The following TUT4 variants were observed in gnomAD, a reference collection of about 807,000 sequenced individuals.
TUT4 encodes the protein terminal uridylyl transferase 4.
In TUT4, 36 loss-of-function variants were observed where a neutral mutation model predicts 192.2. The ratio of observed to expected loss-of-function variants is 0.19; its 90% CI spans 0.14 to 0.25. The LOEUF (loss-of-function observed/expected upper bound fraction) is 0.25. Among genes scored for constraint, TUT4 ranks in the 10% least tolerant of loss-of-function variants. The pLI, the probability that TUT4 is intolerant of heterozygous loss-of-function variation, is 1.00. For missense variants in TUT4, 1,493 were observed against 1,957.2 expected (o/e 0.76, Z 4.47); for synonymous variants, 618 against 666.0 (o/e 0.93, Z 1.11).
chr1:52,461,451 G>A lies in TUT4; in HGVS notation c.3231+62C>T, dbSNP rs1235612459. The stretch of plus-strand genomic sequence containing the variant: ...CACATTTGAAAGTTTTAAACATAGA[G>A]TCAGTAATCTGTAAACTTTTAAAAT... On this transcript the variant is annotated intron_variant, in intron 18 of 29. Coordinates refer to ENST00000257177, the MANE Select transcript of TUT4 (RefSeq NM_001009881.3). 30 of 1,464,574 alleles carry A rather than the reference G, an allele frequency of 2.0e-5. No homozygotes were observed. The South Asian group carries it at 3.5e-4, about 17-fold the overall frequency. The allele number at this position is 1,464,574 out of a possible 1,614,324, so 90.7% of individuals were successfully genotyped here.
In TUT4 at chr1:52,475,185, C is replaced by A; in HGVS notation, c.2374G>T (p.Asp792Tyr). The change falls in exon 13 of 30, where the codon GAC becomes TAC. Residue 792 changes from aspartate to tyrosine, a missense_variant. Physicochemically the swap from Asp to Tyr is radical, Grantham distance 160 (BLOSUM62 -3). Transcript: ENST00000257177. ...AGAGATGAAGAGTCCTGTCCGTGGT[C>A]AGCAAAATCTAGTTCATTTACCAAC... is the stretch of plus-strand genomic sequence containing the variant. Reference protein sequence around the residue: ...NLLVNELDFADHGQDSSSLST... With the variant: ...NLLVNELDFAYHGQDSSSLST... 6.2e-7 allele frequency: 1 copy of A among 1,614,092 alleles called. No homozygotes were observed. The highest frequency in any genetic ancestry group is 1.1e-5 in the South Asian group (1 of 91,052).
chr1:52,462,164 T>C (rs573768625), intron 16 of TUT4: 208 of 151,326 alleles, frequency 1.4e-3, no homozygotes, highest in Middle Eastern at 6.8e-3. Flanking sequence ...GAGACAAACC[T>C]GGATTCAAAT....
intron 4 of TUT4, among the ~76,000 whole-genome samples, chr1:52,508,669 A>G (rs1676292118): frequency 6.6e-6 from 1 of 152,200 alleles, no homozygotes; most frequent in Non-Finnish European, 1.5e-5. Flanking sequence ...GGGGGCACAG[A>G]GAAGGAGTAT....
In TUT4 at chr1:52,435,286, C is replaced by A. The variant is rs188091710; in HGVS notation, c.4263+79G>T. 15 of 1,172,318 alleles carry A rather than the reference C, an allele frequency of 1.3e-5. No individual in the cohort carries two copies. The East Asian group carries it at 3.3e-4, about 26-fold the overall frequency. The allele number at this position is 1,172,318 out of a possible 1,614,324, so 72.6% of individuals were successfully genotyped here. ...AATCTGGAAGATTGTATTAGCCAGT[C>A]TGAGAGAAAACACTATCACCCATTA... On this transcript the variant is annotated intron_variant, in intron 27 of 29. Transcript: ENST00000257177.
chr1:52,440,472 A>T, intron 24 of TUT4, among the ~76,000 whole-genome samples: 1 of 148,586 alleles, frequency 6.7e-6, no homozygotes. Context: ...AAGAGATACA[A>T]TTCTTCATTA....
In TUT4 at chr1:52,525,643, T is replaced by C. The variant is rs1379135189; in HGVS notation, c.638A>G (p.Gln213Arg). 6.2e-7 allele frequency: 1 copy of C among 1,614,074 alleles called. No individual in the cohort carries two copies. Among genetic ancestry groups the C allele is most frequent in the African/African-American group, 1.3e-5 (1 of 74,938 alleles). The change falls in exon 2 of 30, where the codon CAG (glutamine) becomes CGG (arginine). Residue 213 changes from glutamine to arginine, a missense_variant. This residue lies in a region of TUT4 where 260 missense variants were observed against 247.8 expected (regional missense o/e 1.05). Transcript: ENST00000257177. The stretch of plus-strand genomic sequence containing the variant: ...ATTATCTGTACATGTCTGTTGCTTC[T>C]GAGATCGTGGTGAGTTTTGCAGAGC... ...KCALQNSPRS[Q>R]KQQTCTDNTG...
intron 4 of TUT4, among the ~76,000 whole-genome samples, chr1:52,501,435 T>TG (rs892657454): frequency 1.1e-5 from 1 of 92,098 alleles, no homozygotes; most frequent in Admixed American, 1.3e-4. Context: ...ATTGCTATTA[T>TG]GGGGGGGCGG....
intron 20 of TUT4, 21 bp from the exon 21 acceptor site, chr1:52,446,688 T>C: frequency 1.9e-6 from 3 of 1,575,166 alleles, no homozygotes; most frequent in Middle Eastern, 3.4e-4. Flanking sequence ...AAATTAATTG[T>C]ATTATTAGAT....
At chr1:52,529,750 A>AG (rs1216578467) in intron 1 of TUT4, 1 of 152,240 alleles carries the variant, frequency 6.6e-6, no homozygotes, top group Non-Finnish European at 1.5e-5. Context: ...GATTAAAAAA[A>AG]GAAAAAAATC....
chr1:52,456,411 C>CAAA lies in TUT4; in HGVS notation c.3435+1922_3435+1924dup, dbSNP rs1157223640. ...TGGGCAACAGAGCGAGACTGTGTCT[C>CAAA]AAAAAAAAAAAAAAAAAAAAAAAAA... On this transcript the variant is annotated intron_variant, in intron 20 of 29. Transcript: ENST00000257177. Among the ~76,000 whole-genome samples, 85 of 11,986 alleles carry CAAA rather than the reference C, an allele frequency of 7.1e-3. 6 individuals carry two copies. The highest frequency in any genetic ancestry group is 0.013 in the African/African-American group (59 of 4,682). The allele number at this position is 11,986 out of a possible 152,430, so 7.9% of individuals were successfully genotyped here.
chr1:52,507,296 A>G (rs1675871750), intron 4 of TUT4, among the ~76,000 whole-genome samples: 1 of 152,152 alleles, frequency 6.6e-6, no homozygotes, highest in Non-Finnish European at 1.5e-5. Context: ...AATTTTAGCT[A>G]TCTTGGACTT....
chr1:52,452,094 T>G (rs115764577), intron 20 of TUT4, among the ~76,000 whole-genome samples: 1 of 151,276 alleles, frequency 6.6e-6, no homozygotes, highest in African/African-American at 2.4e-5. Flanking sequence ...AAGGAACACT[T>G]CCTAACTCAT....
intron 28 of TUT4, 71 bp from the exon 29 acceptor site, chr1:52,425,578 A>T: frequency 6.7e-7 from 1 of 1,491,856 alleles, no homozygotes; most frequent in Non-Finnish European, 9.0e-7. Context: ...CCTTCATTCC[A>T]CAAAGATATA....
intron 8 of TUT4, among the ~76,000 whole-genome samples, chr1:52,489,981 AG>A (rs1459594174): frequency 6.6e-6 from 1 of 152,170 alleles, no homozygotes; most frequent in Non-Finnish European, 1.5e-5. Flanking sequence ...CTGCTTTCAA[AG>A]GCACTTTGAT....
At chr1:52,533,214 T>C (rs1683972584) in intron 1 of TUT4, among the ~76,000 whole-genome samples, 1 of 152,186 alleles carries the variant, frequency 6.6e-6, no homozygotes, top group South Asian at 2.1e-4. Flanking sequence ...TCCTGACCAT[T>C]TACCCAGCAA....
chr1:52,493,267 G>A (rs1671643733), intron 7 of TUT4, among the ~76,000 whole-genome samples: 1 of 152,060 alleles, frequency 6.6e-6, no homozygotes, highest in South Asian at 2.1e-4. Flanking sequence ...GTTTTTAGTA[G>A]AGACGGGGTT....
chr1:52,458,524 A>G, intron 19 of TUT4, 75 bp from the exon 20 acceptor site: 1 of 1,152,054 alleles, frequency 8.7e-7, no homozygotes, highest in Admixed American at 2.1e-5. Flanking sequence ...ATTCTGCCAC[A>G]TCATTTTTTT....
intron 9 of TUT4, among the ~76,000 whole-genome samples, chr1:52,483,039 C>T (rs557086737): frequency 3.9e-5 from 6 of 152,160 alleles, no homozygotes; most frequent in Middle Eastern, 6.8e-3. Context: ...GTGTGTTCAC[C>T]CCTTCGAACA....
intron 9 of TUT4, 53 bp from the exon 10 acceptor site, chr1:52,481,976 G>A (rs575962971): frequency 2.9e-6 from 4 of 1,394,876 alleles, no homozygotes; most frequent in African/African-American, 3.0e-5. Context: ...TAATTTTCAT[G>A]ATAAAAGTAG....
Sources: allele counts gnomAD v4.1 joint callset (sites outside exome capture counted in the v4.1 genomes callset), GRCh38; gene constraint gnomAD v4.1.1; regional missense constraint gnomAD v4.1.1; transcripts MANE v1.5; gene names NCBI Gene and HGNC (gene_info 2026-07-23, HGNC 2026-07-21).